ZNF524: variants seen among roughly 807,000 people sequenced by gnomAD.
ZNF524 encodes zinc finger protein 524.
For synonymous variants in ZNF524, 194 were observed against 166.3 expected, an observed-to-expected ratio of 1.17 and a Z score of -1.28; for missense variants, 388 against 380.1, an observed-to-expected ratio of 1.02 and a Z score of -0.17.
Position 55,602,424 on chromosome 19 carries a change from T to TGAGGGCTCTGGCCCC in ZNF524, c.313_327dup (p.Glu105_Pro109dup), listed in dbSNP as rs1980737946. The TGAGGGCTCTGGCCCC allele has an allele frequency of 1.3e-6, 2 of 1,591,958 alleles. No individual in the cohort carries two copies. The highest frequency in any genetic ancestry group is 1.7e-6 in the Non-Finnish European group (2 of 1,172,124). Reference sequence around the variant, plus strand: ...TCTCTGAAGGTTCAGCGGCTGGGCCTGAGGGCTCTGGCCCCAGGAAGGCCC... The same window carrying TGAGGGCTCTGGCCCC: ...TCTCTGAAGGTTCAGCGGCTGGGCCTGAGGGCTCTGGCCCCGAGGGCTCTGGCCCCAGGAAGGCCC... On this transcript the variant is annotated inframe_insertion, in exon 2 of 2. Transcript: ENST00000301073.
At position 55,603,077 on chromosome 19, in the gene ZNF524, C is replaced by T. The variant is rs750574313; in HGVS notation, c.*170C>T. 3 of 730,850 alleles carry T rather than the reference C, an allele frequency of 4.1e-6. No homozygotes were observed. The highest frequency in any genetic ancestry group is 4.5e-6 in the Non-Finnish European group (2 of 446,838). The allele number at this position is 730,850 out of a possible 1,614,324, so 45.3% of individuals were successfully genotyped here. ...TGGGGTCCAGCTGCCTTCAGCCCCCCTCCCCCAGACTAACAGACCCTTGGA... is the reference window on the plus strand; with the variant it reads ...TGGGGTCCAGCTGCCTTCAGCCCCCTTCCCCCAGACTAACAGACCCTTGGA... On this transcript the variant is annotated 3_prime_UTR_variant, in exon 2 of 2. Transcript: ENST00000301073.
chr19:55,602,889 G>C lies in ZNF524; in HGVS notation c.777G>C (p.Gly259=), dbSNP rs75385262. The change falls in exon 2 of 2, where the codon GGG becomes GGC. Residue 259 remains glycine (G), a synonymous_variant. Coordinates refer to ENST00000301073, the MANE Select transcript of ZNF524 (RefSeq NM_153219.4). ...CCGAGGAGGAGGAGGAGACAGAGGGGAAAGGGGAGCCGGCCTGACCCACAC... is the reference window on the plus strand; with the variant it reads ...CCGAGGAGGAGGAGGAGACAGAGGGCAAAGGGGAGCCGGCCTGACCCACAC... The part of the protein sequence containing the change: ...AGAEEEEETE[G]KGEPA The C allele has an allele frequency of 5.0e-3, 7,855 of 1,582,338 alleles. 324 individuals carry two copies. The African/African-American group carries it at 0.091, about 18-fold the overall frequency.
Position 55,603,052 on chromosome 19 carries a change from T to TA in ZNF524, c.*145_*146insA. The TA allele has an allele frequency of 9.8e-7, 1 of 1,015,430 alleles. No individual in the cohort carries two copies. Among genetic ancestry groups the TA allele is most frequent in the Non-Finnish European group, 1.4e-6 (1 of 705,984 alleles). The allele number at this position is 1,015,430 out of a possible 1,614,324, so 62.9% of individuals were successfully genotyped here. A position where few individuals can be genotyped will look rare whatever the true frequency, so the allele number is the denominator to read the frequency against. ...AGGTGGAGGGTGGAGACCTAAACTTTGGGGTCCAGCTGCCTTCAGCCCCCC... is the reference window on the plus strand; with the variant it reads ...AGGTGGAGGGTGGAGACCTAAACTTTAGGGGTCCAGCTGCCTTCAGCCCCCC... On this transcript the variant is annotated 3_prime_UTR_variant, in exon 2 of 2. Transcript: ENST00000301073.
Position 55,602,936 on chromosome 19 carries a change from C to T in ZNF524, c.*29C>T. On this transcript the variant is annotated 3_prime_UTR_variant, in exon 2 of 2. Coordinates refer to ENST00000301073, the MANE Select transcript of ZNF524 (RefSeq NM_153219.4). Reference sequence around the variant, plus strand: ...ACACCCCCGGCCATCGCTCCCTGGGCCAGGTTTAGAGCAGGGAGTTTGGCT... The same window carrying T: ...ACACCCCCGGCCATCGCTCCCTGGGTCAGGTTTAGAGCAGGGAGTTTGGCT... 1 of 1,517,580 alleles carries T rather than the reference C, an allele frequency of 6.6e-7. No homozygotes were observed. Among genetic ancestry groups the T allele is most frequent in the Non-Finnish European group, 8.9e-7 (1 of 1,128,276 alleles). 94.0% of individuals were successfully genotyped at this position (1,517,580 alleles called of 1,614,324 possible). A position where few individuals can be genotyped will look rare whatever the true frequency, so the allele number is the denominator to read the frequency against.
chr19:55,602,881 A>C lies in ZNF524; in HGVS notation c.769A>C (p.Thr257Pro), dbSNP rs755323044. ...ATAGAEEEEETEGKGEPA is the reference protein window; with the variant it reads ...ATAGAEEEEEPEGKGEPA ...AGCAGGGGCCGAGGAGGAGGAGGAG[A>C]CAGAGGGGAAAGGGGAGCCGGCCTG... Residue 257 changes from threonine to proline, a missense_variant, in exon 2 of 2, where the codon ACA becomes CCA. Physicochemically the swap from Thr to Pro is conservative, Grantham distance 38. Transcript: ENST00000301073. The C allele has an allele frequency of 1.3e-6, 2 of 1,588,822 alleles. No individual in the cohort carries two copies. Among genetic ancestry groups the C allele is most frequent in the South Asian group, 2.3e-5 (2 of 88,060 alleles).
upstream of ZNF524, chr19:55,599,949 C>A (rs1980561319): frequency 6.6e-6 from 1 of 152,270 alleles, no homozygotes; most frequent in Admixed American, 6.5e-5. Context: ...ACTTAGCACT[C>A]CATGGGCTTC....
intron 1 of ZNF524, chr19:55,601,578 C>T (rs969049687): frequency 3.9e-5 from 6 of 152,318 alleles, no homozygotes; most frequent in African/African-American, 1.4e-4. Context: ...GTTTCCTCAT[C>T]CAGGAATCAG....
chr19:55,602,022 A>G, intron 1 of ZNF524, 53 bp from the exon 2 acceptor site: 1 of 1,240,790 alleles, frequency 8.1e-7, no homozygotes, highest in Non-Finnish European at 1.1e-6. Flanking sequence ...GTTGGGGGAC[A>G]CAGGGGTGCT....
In ZNF524 at chr19:55,602,652, C is replaced by T. The variant is rs1437453831; in HGVS notation, c.540C>T (p.Arg180=). The change falls in exon 2 of 2, where the codon CGC becomes CGT. Residue 180 remains arginine, a synonymous_variant. Transcript: ENST00000301073. ...GCCCGCTGTGCCCCCGCCGCTTCCG[C>T]GAGGCGGGCGAGCTGGCGCACCACC... The part of the protein sequence containing the change: ...FRCPLCPRRF[R]EAGELAHHHR... 2.5e-6 allele frequency: 4 copies of T among 1,592,862 alleles called. No homozygotes were observed. Among genetic ancestry groups the T allele is most frequent in the African/African-American group, 2.7e-5 (2 of 74,696 alleles).
chr19:55,602,478 C>T lies in ZNF524; in HGVS notation c.366C>T (p.Ala122=). The change falls in exon 2 of 2, where the codon GCC becomes GCT. Residue 122 remains alanine (A), a synonymous_variant. Transcript: ENST00000301073. ...APHFCPVCLR[A]FPYLSDLERH... ...ACTTCTGCCCGGTGTGCCTGCGGGC[C>T]TTCCCCTACCTCTCCGACCTGGAGC... 3 of 1,598,470 alleles carry T rather than the reference C, an allele frequency of 1.9e-6. 1 individual carries two copies. In the South Asian group the frequency reaches 3.3e-5, roughly 18 times the overall value.
At position 55,600,648 on chromosome 19, in the gene ZNF524, C is replaced by T. The variant is rs1277922262; in HGVS notation, c.-39+240C>T. On this transcript the variant is annotated intron_variant, in intron 1 of 1. Coordinates refer to ENST00000301073, the MANE Select transcript of ZNF524 (RefSeq NM_153219.4). ...CGCCCCGCGCTTGGGCTTCGCAGCT[C>T]GGGGGCCGATGGGCGCGTCAGTACC... is the stretch of plus-strand genomic sequence containing the variant. 2.0e-5 allele frequency: 3 copies of T among 152,190 alleles called. 1 individual carries two copies. The highest frequency in any genetic ancestry group is 4.1e-4 in the South Asian group (2 of 4,822). 9.4% of individuals were successfully genotyped at this position (152,190 alleles called of 1,614,324 possible).
chr19:55,602,164 G>A lies in ZNF524; in HGVS notation c.52G>A (p.Glu18Lys), dbSNP rs753200425. The A allele has an allele frequency of 1.2e-5, 19 of 1,587,122 alleles. No individual in the cohort carries two copies. Among genetic ancestry groups the A allele is most frequent in the Non-Finnish European group, 1.5e-5 (18 of 1,166,396 alleles). The change falls in exon 2 of 2, where the codon GAG (glutamate) becomes AAG (lysine). Residue 18 changes from glutamate (E) to lysine (K), a missense_variant. Coordinates refer to ENST00000301073, the MANE Select transcript of ZNF524 (RefSeq NM_153219.4). ...PLPSPLPGEE[E>K]KPLALSPPVP... ...GCCTTCGCCTTTGCCCGGGGAGGAA[G>A]AGAAACCTCTGGCCTTATCTCCTCC...
chr19:55,602,722 C>T lies in ZNF524; in HGVS notation c.610C>T (p.Arg204Trp). ...GERPYQCPIC[R>W]LRFTEANTLR... ...GCGCCCGTACCAGTGCCCCATCTGC[C>T]GGCTGCGCTTTACAGAGGCCAACAC... Residue 204 changes from arginine (R) to tryptophan (W), a missense_variant, in exon 2 of 2, where the codon CGG (arginine) becomes TGG (tryptophan). Coordinates refer to ENST00000301073, the MANE Select transcript of ZNF524 (RefSeq NM_153219.4). The T allele has an allele frequency of 1.9e-6, 3 of 1,605,338 alleles. No homozygotes were observed. The highest frequency in any genetic ancestry group is 2.5e-6 in the Non-Finnish European group (3 of 1,179,736).
At position 55,602,044 on chromosome 19, in the gene ZNF524, G is replaced by A. The variant is rs1023753328; in HGVS notation, c.-38-31G>A. 2.1e-6 allele frequency: 3 copies of A among 1,445,464 alleles called. No individual in the cohort carries two copies. The African/African-American group carries it at 4.3e-5, about 21-fold the overall frequency. 89.5% of individuals were successfully genotyped at this position (1,445,464 alleles called of 1,614,324 possible). A position where few individuals can be genotyped will look rare whatever the true frequency, so the allele number is the denominator to read the frequency against. ...GACACAGGGGTGCTCTAGACCCTGT[G>A]AGCACTGACTCTGCCCCTCTCTCCT... On this transcript the variant is annotated intron_variant, in intron 1 of 1. Coordinates refer to ENST00000301073, the MANE Select transcript of ZNF524 (RefSeq NM_153219.4).
Position 55,602,279 on chromosome 19 carries a change from G to GC in ZNF524, c.174dup (p.Lys59GlnfsTer31), listed in dbSNP as rs750719825. On this transcript the variant is annotated frameshift_variant, in exon 2 of 2. Transcript: ENST00000301073. LOFTEE classifies it low-confidence loss of function (END_TRUNC). ...GCCTCCCTCCCTCGCAAGCGGGGCC[G>GC]CCCCCCCAAGTCAGGGCAGGAGCCC... The GC allele has an allele frequency of 2.6e-5, 42 of 1,590,440 alleles. No individual in the cohort carries two copies. The highest frequency in any genetic ancestry group is 5.3e-5 in the Admixed American group (3 of 56,974).
intron 1 of ZNF524, chr19:55,601,329 G>C (rs1246291617): frequency 6.6e-6 from 1 of 152,212 alleles, no homozygotes; most frequent in Non-Finnish European, 1.5e-5. Context: ...TTGATGTGAG[G>C]CTTAGCTGCT....
chr19:55,602,673 C>T lies in ZNF524; in HGVS notation c.561C>T (p.His187=). Residue 187 remains histidine, a synonymous_variant, in exon 2 of 2, where the codon CAC becomes CAT. Coordinates refer to ENST00000301073, the MANE Select transcript of ZNF524 (RefSeq NM_153219.4). ...RRFREAGELA[H]HHRVHSGERP... Reference sequence around the variant, plus strand: ...TCCGCGAGGCGGGCGAGCTGGCGCACCACCACCGCGTGCACTCGGGGGAGC... The same window carrying T: ...TCCGCGAGGCGGGCGAGCTGGCGCATCACCACCGCGTGCACTCGGGGGAGC... 1.3e-6 allele frequency: 2 copies of T among 1,597,728 alleles called. No homozygotes were observed. The highest frequency in any genetic ancestry group is 1.7e-6 in the Non-Finnish European group (2 of 1,177,572).
chr19:55,602,186 C>T lies in ZNF524; in HGVS notation c.74C>T (p.Pro25Leu). The T allele has an allele frequency of 6.2e-7, 1 of 1,609,864 alleles. No individual in the cohort carries two copies. The highest frequency in any genetic ancestry group is 8.5e-7 in the Non-Finnish European group (1 of 1,178,010). The change falls in exon 2 of 2, where the codon CCT (proline) becomes CTT (leucine). Residue 25 changes from proline to leucine, a missense_variant. Transcript: ENST00000301073. Reference protein sequence around the residue: ...GEEEKPLALSPPVPRGRRGRR... With the variant: ...GEEEKPLALSLPVPRGRRGRR... Reference sequence around the variant, plus strand: ...GAAGAGAAACCTCTGGCCTTATCTCCTCCTGTTCCCCGGGGCCGCCGAGGC... The same window carrying T: ...GAAGAGAAACCTCTGGCCTTATCTCTTCCTGTTCCCCGGGGCCGCCGAGGC...
In ZNF524 at chr19:55,602,798, T is replaced by C; in HGVS notation, c.686T>C (p.Leu229Pro). ...RKHPEAMGVP[L>P]CAPDPGSEPP... is the part of the protein sequence containing the mutation. The stretch of plus-strand genomic sequence containing the variant: ...CACCCGGAGGCCATGGGGGTACCCC[T>C]GTGTGCACCAGATCCAGGGTCTGAA... The change falls in exon 2 of 2, where the codon CTG (leucine) becomes CCG (proline). Residue 229 changes from leucine (L) to proline (P), a missense_variant. By Grantham distance (98) the Leu-to-Pro change is moderately conservative. Coordinates refer to ENST00000301073, the MANE Select transcript of ZNF524 (RefSeq NM_153219.4). 3.7e-6 allele frequency: 6 copies of C among 1,611,278 alleles called. No homozygotes were observed. The highest frequency in any genetic ancestry group is 5.1e-6 in the Non-Finnish European group (6 of 1,179,762).
Sources: allele counts gnomAD v4.1 joint callset, GRCh38; gene constraint gnomAD v4.1.1; transcripts MANE v1.5; gene names NCBI Gene and HGNC (gene_info 2026-07-23, HGNC 2026-07-21).